DHRS7B: variants seen among roughly 807,000 people sequenced by gnomAD.
The protein encoded by DHRS7B is peroxisomal reductase activating PPAR-gamma.
Under a neutral mutation model 26.4 loss-of-function variants are expected in DHRS7B, and 24 were observed. The ratio of observed to expected loss-of-function variants is 0.91; its 90% CI spans 0.66 to 1.28. The LOEUF is 1.28. Ranked by LOEUF, DHRS7B falls within the 50% of genes most tolerant of loss-of-function variation. The pLI is 0.00. For missense variants in DHRS7B, 368 were observed against 419.4 expected (o/e 0.88, Z 1.07); for synonymous variants, 142 against 166.4 (o/e 0.85, Z 1.13).
intron 1 of DHRS7B, among the ~76,000 whole-genome samples, chr17:21,140,942 T>C (rs1429887928): frequency 2.0e-5 from 3 of 152,138 alleles, no homozygotes; most frequent in African/African-American, 7.2e-5. Context: ...CCTAGGGTTT[T>C]TGTGTGGTGG....
chr17:21,167,477 G>A (rs1314354432), intron 1 of DHRS7B, among the ~76,000 whole-genome samples: 2 of 152,232 alleles, frequency 1.3e-5, no homozygotes, highest in African/African-American at 4.8e-5. Flanking sequence ...ATCAGTGTGA[G>A]ACTGTGTTTC....
At chr17:21,171,054 G>A (rs1010586349) in intron 1 of DHRS7B, among the ~76,000 whole-genome samples, 4 of 152,046 alleles carry the variant, frequency 2.6e-5, no homozygotes, top group African/African-American at 4.8e-5. Flanking sequence ...GACTCGGGGG[G>A]GGCCTTTTGT....
At chr17:21,162,840 C>T (rs1974027460) in intron 1 of DHRS7B, among the ~76,000 whole-genome samples, 1 of 152,158 alleles carries the variant, frequency 6.6e-6, no homozygotes, top group Non-Finnish European at 1.5e-5. Context: ...AGAGTGTTTT[C>T]TATAATGAAG....
chr17:21,161,076 G>A (rs1322663332), intron 1 of DHRS7B, among the ~76,000 whole-genome samples: 6 of 152,198 alleles, frequency 3.9e-5, no homozygotes, highest in Non-Finnish European at 8.8e-5. Flanking sequence ...GTGGAGCACA[G>A]AGGATTTTTA....
chr17:21,142,689 T>TCCCCCCCCC (rs1435677774), intron 1 of DHRS7B, among the ~76,000 whole-genome samples: 4 of 102,036 alleles, frequency 3.9e-5, no homozygotes, highest in South Asian at 3.4e-4. Flanking sequence ...CTCACCCCCC[T>TCCCCCCCCC]CCCCCGCCCC....
At chr17:21,142,050 C>T (rs919513006) in intron 1 of DHRS7B, among the ~76,000 whole-genome samples, 16 of 152,166 alleles carry the variant, frequency 1.1e-4, no homozygotes, top group Non-Finnish European at 2.2e-4. Context: ...GACAAAACCC[C>T]TCAGACACCA....
intron 1 of DHRS7B, among the ~76,000 whole-genome samples, chr17:21,164,655 A>G (rs1974073049): frequency 6.6e-6 from 1 of 152,192 alleles, no homozygotes; most frequent in Non-Finnish European, 1.5e-5. Context: ...GTTGTTTCAC[A>G]CTGATTGTTT....
intron 3 of DHRS7B, 27 bp from the exon 4 acceptor site, chr17:21,183,567 G>A (rs778477283): frequency 2.5e-6 from 4 of 1,608,492 alleles, no homozygotes; most frequent in African/African-American, 1.3e-5. Flanking sequence ...CTCAGAAAGT[G>A]AATTTGTATC....
intron 1 of DHRS7B, among the ~76,000 whole-genome samples, chr17:21,157,892 C>G (rs1463470323): frequency 1.3e-5 from 2 of 151,496 alleles, no homozygotes; most frequent in Admixed American, 6.6e-5. Context: ...CTGCAATGAG[C>G]TGAGATTGCA....
At chr17:21,129,916 A>C (rs998240018) in intron 1 of DHRS7B, among the ~76,000 whole-genome samples, 1 of 152,132 alleles carries the variant, frequency 6.6e-6, no homozygotes, top group African/African-American at 2.4e-5. Flanking sequence ...TTTGCTGTAC[A>C]TGTTTTCATA....
chr17:21,141,994 A>G (rs1411487965), intron 1 of DHRS7B, among the ~76,000 whole-genome samples: 1 of 152,206 alleles, frequency 6.6e-6, no homozygotes, highest in Non-Finnish European at 1.5e-5. Context: ...CAGTTAATTT[A>G]GAAAGTTTAT....
intron 5 of DHRS7B, among the ~76,000 whole-genome samples, chr17:21,184,698 G>T (rs1358589684): frequency 6.6e-6 from 1 of 152,158 alleles, no homozygotes; most frequent in Non-Finnish European, 1.5e-5. Flanking sequence ...CTGCCCTCAA[G>T]TGTAAATGGA....
rs1296177175 is a variant in DHRS7B at position 21,138,066 on chromosome 17, T to A, written c.20+11075T>A. On this transcript the variant is annotated intron_variant, in intron 1 of 6. Coordinates refer to ENST00000395511, the MANE Select transcript of DHRS7B (RefSeq NM_015510.5). ...GGGATTACAGGTGCCCGGCCTCTTT[T>A]AAAAAAAAAATATATATATATATAT... Among the ~76,000 whole-genome samples the A allele has an allele frequency of 4.8e-3, 169 of 35,246 alleles. 8 individuals are homozygous for A. The highest frequency in any genetic ancestry group is 0.028 in the African/African-American group (161 of 5,748). 23.1% of individuals were successfully genotyped at this position (35,246 alleles called of 152,430 possible). A position where few individuals can be genotyped will look rare whatever the true frequency, so the allele number is the denominator to read the frequency against.
At chr17:21,143,865 G>A (rs1597735123) in intron 1 of DHRS7B, among the ~76,000 whole-genome samples, 1 of 152,338 alleles carries the variant, frequency 6.6e-6, no homozygotes. Flanking sequence ...CATGTTAAAA[G>A]TGTTTGCTCT....
intron 2 of DHRS7B, 31 bp downstream of exon 2, chr17:21,172,227 C>T (rs754265628): frequency 1.4e-5 from 23 of 1,586,548 alleles, no homozygotes; most frequent in Admixed American, 3.6e-5. Context: ...TGCCAGGGGG[C>T]GGGGGTAAGT....
At chr17:21,180,931 T>C (rs1421274277) in intron 3 of DHRS7B, among the ~76,000 whole-genome samples, 1 of 152,218 alleles carries the variant, frequency 6.6e-6, no homozygotes, top group Non-Finnish European at 1.5e-5. Flanking sequence ...TTCCAGTCCA[T>C]GAATGCAGGA....
intron 1 of DHRS7B, among the ~76,000 whole-genome samples, chr17:21,140,163 A>G (rs1973462590): frequency 6.7e-6 from 1 of 149,970 alleles, no homozygotes; most frequent in Non-Finnish European, 1.5e-5. Flanking sequence ...AGCTGGGACT[A>G]CAGGCGCCCA....
intron 2 of DHRS7B, among the ~76,000 whole-genome samples, chr17:21,176,499 G>C (rs555670699): frequency 6.6e-6 from 1 of 152,130 alleles, no homozygotes; most frequent in Admixed American, 6.5e-5. Context: ...TACTCTGCAG[G>C]CTGAGGTGGA....
At chr17:21,179,994 G>A (rs1025059818) in intron 3 of DHRS7B, among the ~76,000 whole-genome samples, 10 of 150,720 alleles carry the variant, frequency 6.6e-5, no homozygotes, top group African/African-American at 2.4e-4. Context: ...TCTAACTCCC[G>A]ACCTCAGGCG....
Sources: gnomAD v4.1 joint callset for allele counts (sites outside exome capture counted in the v4.1 genomes callset) on GRCh38, gnomAD v4.1.1 for gene constraint, MANE v1.5 for transcripts, NCBI Gene and HGNC (gene_info 2026-07-23, HGNC 2026-07-21) for gene names.